Variants in SPARCL1 observed in about 807,000 individuals in gnomAD.
SPARCL1 encodes the protein SPARC-like protein 1.
In SPARCL1, 52 loss-of-function variants were observed where a neutral mutation model predicts 67.1. That is an observed-to-expected ratio of 0.78 (90% CI 0.62 to 0.98). The LOEUF (loss-of-function observed/expected upper bound fraction) is 0.98. Among genes scored for constraint, SPARCL1 ranks in the 50% least tolerant of loss-of-function variants. SPARCL1 has a pLI of 0.00. For missense variants in SPARCL1, 717 were observed against 782.4 expected (o/e 0.92, Z 1.00); for synonymous variants, 226 against 267.8 (o/e 0.84, Z 1.52).
intron 1 of SPARCL1, among the ~76,000 whole-genome samples, chr4:87,502,083 G>T (rs540052038): frequency 3.3e-5 from 5 of 151,518 alleles, no homozygotes; most frequent in Non-Finnish European, 5.9e-5. Flanking sequence ...GGATTACAGG[G>T]ATGAGCCACT....
At chr4:87,511,255 T>C (rs1725340625) in intron 1 of SPARCL1, among the ~76,000 whole-genome samples, 1 of 152,172 alleles carries the variant, frequency 6.6e-6, no homozygotes, top group African/African-American at 2.4e-5. Flanking sequence ...TAAAACTTAA[T>C]GACGAATTAG....
chr4:87,486,445 A>G (rs1408205207), intron 7 of SPARCL1, among the ~76,000 whole-genome samples: 3 of 151,874 alleles, frequency 2.0e-5, no homozygotes, highest in Non-Finnish European at 4.4e-5. Context: ...TATGATTTCC[A>G]TTCTTTCACA....
chr4:87,518,378 T>C (rs1725668531), intron 1 of SPARCL1, among the ~76,000 whole-genome samples: 2 of 152,192 alleles, frequency 1.3e-5, no homozygotes. Context: ...GGAGGATTGC[T>C]TGAGCCCGGG....
intron 7 of SPARCL1, among the ~76,000 whole-genome samples, chr4:87,486,607 G>A (rs1724067881): frequency 1.3e-5 from 2 of 152,110 alleles, no homozygotes; most frequent in South Asian, 4.1e-4. Flanking sequence ...TTCAAGTCCT[G>A]AATATACTTG....
At chr4:87,524,758 A>G (rs140207076) in intron 1 of SPARCL1, among the ~76,000 whole-genome samples, 1 of 152,350 alleles carries the variant, frequency 6.6e-6, no homozygotes, top group African/African-American at 2.4e-5. Context: ...CTTTCTACGA[A>G]GTGAGCAGCA....
chr4:87,490,341 G>A lies in SPARCL1; in HGVS notation c.1463C>T (p.Thr488Ile). Residue 488 changes from threonine to isoleucine, a missense_variant, in exon 7 of 11, where the codon ACT (threonine) becomes ATT (isoleucine). Physicochemically the swap from Thr to Ile is moderately conservative, Grantham distance 89. Transcript: ENST00000282470. ...TTTGGTCCCCTCCAGTCTGCATTTA[G>A]TAGCGAATAGATGACAGGAACTAGC... is the stretch of plus-strand genomic sequence containing the variant. ...TYASSCHLFA[T>I]KCRLEGTKKG... The A allele has an allele frequency of 1.9e-6, 3 of 1,613,600 alleles. No homozygotes were observed. Among genetic ancestry groups the A allele is most frequent in the Non-Finnish European group, 2.5e-6 (3 of 1,179,764 alleles).
At chr4:87,510,716 A>G (rs1296838805) in intron 1 of SPARCL1, among the ~76,000 whole-genome samples, 2 of 152,226 alleles carry the variant, frequency 1.3e-5, no homozygotes, top group African/African-American at 4.8e-5. Context: ...CTGGACAAGA[A>G]CTCGGACACA....
intron 9 of SPARCL1, among the ~76,000 whole-genome samples, 200 bp downstream of exon 9, chr4:87,480,172 T>C (rs770162823): frequency 1.3e-5 from 2 of 151,962 alleles, no homozygotes; most frequent in African/African-American, 4.8e-5. Context: ...TTCAGACTTT[T>C]TTATTATTAT....
chr4:87,499,388 G>T, intron 2 of SPARCL1, 133 bp downstream of exon 2: 1 of 813,734 alleles, frequency 1.2e-6, no homozygotes, highest in Non-Finnish European at 1.9e-6. Flanking sequence ...TTTGTTACTT[G>T]GGCAATAAAG....
At chr4:87,498,198 G>A (rs1406176207) in intron 2 of SPARCL1, among the ~76,000 whole-genome samples, 1 of 152,196 alleles carries the variant, frequency 6.6e-6, no homozygotes, top group African/African-American at 2.4e-5. Context: ...ATTTCAGGGT[G>A]TAATGTATAA....
chr4:87,521,558 G>C (rs1157094877), intron 1 of SPARCL1, among the ~76,000 whole-genome samples: 1 of 152,184 alleles, frequency 6.6e-6, no homozygotes, highest in African/African-American at 2.4e-5. Flanking sequence ...CCCTCCAGTG[G>C]TTAGCTCCTT....
chr4:87,484,380 A>G (rs1370924161), intron 7 of SPARCL1, among the ~76,000 whole-genome samples: 3 of 152,158 alleles, frequency 2.0e-5, no homozygotes, highest in Non-Finnish European at 4.4e-5. Context: ...TTTGTCAAAT[A>G]TCAGATGGCT....
At chr4:87,482,788 C>G (rs1045986807) in intron 7 of SPARCL1, among the ~76,000 whole-genome samples, 1 of 152,158 alleles carries the variant, frequency 6.6e-6, no homozygotes, top group Non-Finnish European at 1.5e-5. Context: ...TGTGATTGGT[C>G]TGGCGTGAAG....
At chr4:87,516,962 C>G (rs1336880411) in intron 1 of SPARCL1, among the ~76,000 whole-genome samples, 1 of 152,136 alleles carries the variant, frequency 6.6e-6, no homozygotes, top group Non-Finnish European at 1.5e-5. Flanking sequence ...TCCAGGGAGA[C>G]AGTTGCCTGT....
At chr4:87,507,174 G>A (rs1319220947) in intron 1 of SPARCL1, among the ~76,000 whole-genome samples, 2 of 152,156 alleles carry the variant, frequency 1.3e-5, no homozygotes, top group African/African-American at 4.8e-5. Context: ...ACATAACAGT[G>A]GAATTAGGCA....
rs1208244151 is a variant in SPARCL1 at position 87,494,033 on chromosome 4, A to G, written c.767T>C (p.Met256Thr). The change falls in exon 4 of 11, where the codon ATG becomes ACG. Residue 256 changes from methionine (M) to threonine (T), a missense_variant. By Grantham distance (81) the Met-to-Thr change is moderately conservative. Transcript: ENST00000282470. ...ACCCTGATCAAATTCATCCTCCTGC[A>G]TCTTGCTTACTTGAGTTGGTTGATC... The part of the protein sequence containing the change: ...ESDQPTQVSK[M>T]QEDEFDQGNQ... The G allele has an allele frequency of 6.2e-7, 1 of 1,613,944 alleles. No individual in the cohort carries two copies. The highest frequency in any genetic ancestry group is 1.3e-5 in the African/African-American group (1 of 74,908).
At chr4:87,527,938 G>T (rs1054031858) in intron 1 of SPARCL1, among the ~76,000 whole-genome samples, 63 of 151,966 alleles carry the variant, frequency 4.1e-4, no homozygotes, top group African/African-American at 1.4e-3. Context: ...ACTGAAAAAA[G>T]CTGGTGTCTA....
At chr4:87,490,172 A>G (rs1724255042) in intron 7 of SPARCL1, 101 bp downstream of exon 7, 2 of 1,282,198 alleles carry the variant, frequency 1.6e-6, no homozygotes, top group Non-Finnish European at 2.1e-6. Context: ...GTTCAGAACT[A>G]CATCAGCTTT....
chr4:87,481,617 T>C (rs1170320191), intron 8 of SPARCL1, among the ~76,000 whole-genome samples: 1 of 152,168 alleles, frequency 6.6e-6, no homozygotes, highest in African/African-American at 2.4e-5. Flanking sequence ...TCATAACCTA[T>C]AAACAGCATC....
Sources: gnomAD v4.1 joint callset for allele counts (sites outside exome capture counted in the v4.1 genomes callset) on GRCh38, gnomAD v4.1.1 for gene constraint, MANE v1.5 for transcripts, NCBI Gene and HGNC (gene_info 2026-07-23, HGNC 2026-07-21) for gene names.